The following ZNF783 variants were observed in gnomAD, a reference collection of about 807,000 sequenced individuals.
ZNF783 encodes protein ZNF783.
Under a neutral mutation model 31.3 loss-of-function variants are expected in ZNF783, and 25 were observed. The observed-to-expected ratio is 0.80, with a 90% confidence interval of 0.58 to 1.11. The LOEUF is 1.11. ZNF783 is among the 50% of genes most tolerant of loss of function. The pLI is 0.00. For missense variants in ZNF783, 797 were observed against 760.0 expected (o/e 1.05, Z -0.57); for synonymous variants, 369 against 319.1 (o/e 1.16, Z -1.66).
In ZNF783 at chr7:149,262,329, C is replaced by T; in HGVS notation, c.-5C>T. 14 of 1,346,018 alleles carry T rather than the reference C, an allele frequency of 1.0e-5. No homozygotes were observed. The highest frequency in any genetic ancestry group is 1.3e-5 in the Non-Finnish European group (14 of 1,044,046). The allele number at this position is 1,346,018 out of a possible 1,614,324, so 83.4% of individuals were successfully genotyped here. ...ACTGCAACCCAGCGAGGGACGCGGG[C>T]AGCCATGGCCGAAGCGGCGCCTGCC... On this transcript the variant is annotated 5_prime_UTR_variant, in exon 1 of 6. Coordinates refer to ENST00000434415, the MANE Select transcript of ZNF783 (RefSeq NM_001195220.2).
At chr7:149,265,328 G>A (rs1276718660) in intron 1 of ZNF783, among the ~76,000 whole-genome samples, 1 of 151,608 alleles carries the variant, frequency 6.6e-6, no homozygotes, top group Non-Finnish European at 1.5e-5. Context: ...AGGCACTGAA[G>A]GACAATGGAA....
chr7:149,268,068 T>C (rs1797126488), intron 4 of ZNF783, among the ~76,000 whole-genome samples: 1 of 152,222 alleles, frequency 6.6e-6, no homozygotes, highest in Non-Finnish European at 1.5e-5. Flanking sequence ...GGGAGCTTTA[T>C]TTTTTCAATT....
chr7:149,266,364 C>T lies in ZNF783; in HGVS notation c.54C>T (p.Asp18=). 3 of 1,596,348 alleles carry T rather than the reference C, an allele frequency of 1.9e-6. No individual in the cohort carries two copies. Among genetic ancestry groups the T allele is most frequent in the Non-Finnish European group, 2.5e-6 (3 of 1,178,010 alleles). Residue 18 remains aspartate (D), a synonymous_variant, in exon 2 of 6, where the codon GAC becomes GAT. Transcript: ENST00000434415. ...CCGAGACAGACAAGCACACAGAGGA[C>T]CAGAGTCCTTCGACACCCTTGCCCC... is the stretch of plus-strand genomic sequence containing the variant. ...RDPETDKHTE[D]QSPSTPLPQP... is the part of the protein sequence containing the mutation.
chr7:149,274,030 C>T (rs1390998418), intron 4 of ZNF783, among the ~76,000 whole-genome samples: 3 of 152,032 alleles, frequency 2.0e-5, no homozygotes, highest in Non-Finnish European at 2.9e-5. Context: ...GGTGTCTTTT[C>T]ACTTTGTTGA....
chr7:149,266,730 G>A lies in ZNF783; in HGVS notation c.420G>A (p.Lys140=). ...CGGGCAGCAAGGGGGAGGCCCCCAA[G>A]GTAGCACCGGGACACCCTGGGGTGG... ...LPPGSKGEAP[K]VPVTFDDVAV... Residue 140 remains lysine, a splice_region_variant and synonymous_variant, in exon 2 of 6, where the codon AAG becomes AAA. Transcript: ENST00000434415. 2 of 1,613,706 alleles carry A rather than the reference G, an allele frequency of 1.2e-6. No individual in the cohort carries two copies. The highest frequency in any genetic ancestry group is 8.5e-7 in the Non-Finnish European group (1 of 1,179,794).
chr7:149,265,932 T>G (rs1394424411), intron 1 of ZNF783, among the ~76,000 whole-genome samples: 1 of 152,242 alleles, frequency 6.6e-6, no homozygotes, highest in Non-Finnish European at 1.5e-5. Flanking sequence ...GGCTGTCCAC[T>G]GGGGAGTCAT....
chr7:149,268,803 T>G (rs893587241), intron 4 of ZNF783, among the ~76,000 whole-genome samples: 3 of 152,252 alleles, frequency 2.0e-5, no homozygotes, highest in Non-Finnish European at 4.4e-5. Flanking sequence ...CTATGTAATA[T>G]TCCATGGTGT....
In ZNF783 at chr7:149,266,449, G is replaced by A. The variant is rs754248361; in HGVS notation, c.139G>A (p.Val47Met). 1 of 1,607,054 alleles carries A rather than the reference G, an allele frequency of 6.2e-7. No individual in the cohort carries two copies. The highest frequency in any genetic ancestry group is 8.5e-7 in the Non-Finnish European group (1 of 1,179,946). Residue 47 changes from valine to methionine, a missense_variant, in exon 2 of 6, where the codon GTG becomes ATG. Physicochemically the swap from Val to Met is conservative, Grantham distance 21. Coordinates refer to ENST00000434415, the MANE Select transcript of ZNF783 (RefSeq NM_001195220.2). Reference sequence around the variant, plus strand: ...CACGGAAATCACACTGTGGACGGTGGTGGCCGCCATTCAGGCCTTGGAGAA... The same window carrying A: ...CACGGAAATCACACTGTGGACGGTGATGGCCGCCATTCAGGCCTTGGAGAA... ...YSTEITLWTV[V>M]AAIQALEKKV...
chr7:149,273,867 T>C (rs1797265639), intron 4 of ZNF783, among the ~76,000 whole-genome samples: 1 of 152,232 alleles, frequency 6.6e-6, no homozygotes. Context: ...TTGAGAAATA[T>C]CTATTCAGAT....
chr7:149,282,089 C>T lies in ZNF783; in HGVS notation c.1387C>T (p.Gln463Ter), dbSNP rs1797488537. The change falls in exon 6 of 6, where the codon CAG (glutamine) becomes TAG (stop). Residue 463 changes from glutamine to a stop codon, truncating the protein, a stop_gained. Coordinates refer to ENST00000434415, the MANE Select transcript of ZNF783 (RefSeq NM_001195220.2). LOFTEE classifies it low-confidence loss of function (END_TRUNC). ...CCAGCGCCTGCACACCGGCAATGGC[C>T]AGGGCTGGCCCGCCTGCCCCTACTG... is the stretch of plus-strand genomic sequence containing the variant. ...LHQRLHTGNG[Q>*]GWPACPYCGK... 2 of 1,596,640 alleles carry T rather than the reference C, an allele frequency of 1.3e-6. No individual in the cohort carries two copies. Among genetic ancestry groups the T allele is most frequent in the African/African-American group, 2.7e-5 (2 of 74,882 alleles).
chr7:149,264,982 G>C (rs550751840), intron 1 of ZNF783, among the ~76,000 whole-genome samples: 6 of 151,722 alleles, frequency 4.0e-5, no homozygotes, highest in Non-Finnish European at 7.4e-5. Flanking sequence ...GGCTGGAAGT[G>C]GGGGAGAAGG....
chr7:149,267,728 C>T (rs1297075084), intron 4 of ZNF783, among the ~76,000 whole-genome samples: 11 of 151,990 alleles, frequency 7.2e-5, no homozygotes, highest in Admixed American at 5.2e-4. Context: ...ACCCGGGAGG[C>T]GGAGTTTGCA....
At chr7:149,275,153 A>G (rs1414710860) in intron 4 of ZNF783, among the ~76,000 whole-genome samples, 1 of 151,808 alleles carries the variant, frequency 6.6e-6, no homozygotes, top group African/African-American at 2.4e-5. Context: ...TATTTTATTT[A>G]TAGCTATTGT....
chr7:149,275,331 T>A (rs966628935), intron 4 of ZNF783, among the ~76,000 whole-genome samples: 18 of 150,870 alleles, frequency 1.2e-4, no homozygotes, highest in African/African-American at 1.2e-4. Flanking sequence ...TTTTTTTTTT[T>A]AGACGGAGTT....
Position 149,262,202 on chromosome 7 carries a change from C to T in ZNF783, c.-132C>T, listed in dbSNP as rs1053749655. 4.7e-5 allele frequency: 37 copies of T among 787,758 alleles called. No individual in the cohort carries two copies. The highest frequency in any genetic ancestry group is 6.2e-5 in the Non-Finnish European group (36 of 579,170). The allele number at this position is 787,758 out of a possible 1,614,324, so 48.8% of individuals were successfully genotyped here. A position where few individuals can be genotyped will look rare whatever the true frequency, so the allele number is the denominator to read the frequency against. ...CCAGCGGGGCACGTGGCTCGGGACG[C>T]AGTTCGCTGCCGCCCGGCAGTAGCT... On this transcript the variant is annotated 5_prime_UTR_variant, in exon 1 of 6. Coordinates refer to ENST00000434415, the MANE Select transcript of ZNF783 (RefSeq NM_001195220.2).
chr7:149,265,627 G>A (rs746356973), intron 1 of ZNF783, among the ~76,000 whole-genome samples: 21 of 152,104 alleles, frequency 1.4e-4, no homozygotes, highest in Admixed American at 1.2e-3. Context: ...TCCAAATACC[G>A]GCATATTGGG....
Position 149,278,157 on chromosome 7 carries a change from C to T in ZNF783, c.674-242C>T, listed in dbSNP as rs113100335. ...CCAGATTCTGTCATGACCTGCCTGG[C>T]GATCATTACCGTGATTTCCTGTCTG... On this transcript the variant is annotated intron_variant, in intron 4 of 5. Transcript: ENST00000434415. 9,893 of 1,279,754 alleles carry T rather than the reference C, an allele frequency of 7.7e-3. 58 individuals carry two copies. The highest frequency in any genetic ancestry group is 0.015 in the South Asian group (889 of 57,610). 79.3% of individuals were successfully genotyped at this position (1,279,754 alleles called of 1,614,324 possible). A position where few individuals can be genotyped will look rare whatever the true frequency, so the allele number is the denominator to read the frequency against.
At position 149,281,538 on chromosome 7, in the gene ZNF783, C is replaced by T; in HGVS notation, c.836C>T (p.Ser279Phe). Reference sequence around the variant, plus strand: ...GTGGCCATCAAGACAGAGGCACAGTCTGAAGACGAGATGACGCCTGAGCGG... The same window carrying T: ...GTGGCCATCAAGACAGAGGCACAGTTTGAAGACGAGATGACGCCTGAGCGG... ...GGVAIKTEAQSEDEMTPERLF... is the reference protein window; with the variant it reads ...GGVAIKTEAQFEDEMTPERLF... Residue 279 changes from serine to phenylalanine, a missense_variant, in exon 6 of 6, where the codon TCT (serine) becomes TTT (phenylalanine). Physicochemically the swap from Ser to Phe is radical, Grantham distance 155. Transcript: ENST00000434415. The T allele has an allele frequency of 1.4e-6, 2 of 1,468,660 alleles. No individual in the cohort carries two copies. Among genetic ancestry groups the T allele is most frequent in the Non-Finnish European group, 1.8e-6 (2 of 1,120,998 alleles). The allele number at this position is 1,468,660 out of a possible 1,614,324, so 91.0% of individuals were successfully genotyped here. A position where few individuals can be genotyped will look rare whatever the true frequency, so the allele number is the denominator to read the frequency against.
chr7:149,267,284 C>T (rs1797102654), intron 4 of ZNF783, 62 bp downstream of exon 4: 2 of 1,520,178 alleles, frequency 1.3e-6, no homozygotes, highest in South Asian at 2.6e-5. Flanking sequence ...CATCGCCTAC[C>T]CTCTCGGGCT....
Sources: gnomAD v4.1 joint callset for allele counts (sites outside exome capture counted in the v4.1 genomes callset) on GRCh38, gnomAD v4.1.1 for gene constraint, MANE v1.5 for transcripts, NCBI Gene and HGNC (gene_info 2026-07-23, HGNC 2026-07-21) for gene names.